The following SNAP47 variants were observed in gnomAD, a reference collection of about 807,000 sequenced individuals.
The protein encoded by SNAP47 is synaptosomal-associated protein 47.
A neutral mutation model predicts 31.4 loss-of-function variants in SNAP47; 20 were observed. That is an observed-to-expected ratio of 0.64 (90% CI 0.45 to 0.93). SNAP47 has a LOEUF of 0.93. Ranked by LOEUF, SNAP47 falls within the 40% of genes least tolerant of loss-of-function variation. The pLI is 0.00. For missense variants in SNAP47, 492 were observed against 528.5 expected, an observed-to-expected ratio of 0.93 and a Z score of 0.68; for synonymous variants, 194 against 213.4, an observed-to-expected ratio of 0.91 and a Z score of 0.79.
At chr1:227,730,272 T>C (rs1660555129), upstream of SNAP47, among the ~76,000 whole-genome samples, 1 of 152,074 alleles carries the variant, frequency 6.6e-6, no homozygotes, top group South Asian at 2.1e-4. Flanking sequence ...GCGAAGGCCC[T>C]CACATGTGCT....
intron 3 of SNAP47, among the ~76,000 whole-genome samples, chr1:227,764,746 T>A (rs1663281085): frequency 6.6e-6 from 1 of 151,488 alleles, no homozygotes; most frequent in Non-Finnish European, 1.5e-5. Context: ...TTACTAAAAA[T>A]AAAAAAAATT....
upstream of SNAP47, chr1:227,734,956 G>C: frequency 6.7e-7 from 1 of 1,498,944 alleles, no homozygotes; most frequent in Non-Finnish European, 8.9e-7. Context: ...GGGCCTCCCG[G>C]GCCTGGGTCC....
At position 227,759,141 on chromosome 1, in the gene SNAP47, C is replaced by T. The variant is rs535666284; in HGVS notation, c.644C>T (p.Ala215Val). Residue 215 changes from alanine (A) to valine (V), a missense_variant, in exon 3 of 5, where the codon GCT becomes GTT. Ala to Val is a moderately conservative substitution (Grantham distance 64). Coordinates refer to ENST00000617596, the MANE Select transcript of SNAP47 (RefSeq NM_053052.4). ...GAAGGGATACTGATAAAAATTCCTGCTGTTATTTCCCACAGAACAGAGTCT... is the reference window on the plus strand; with the variant it reads ...GAAGGGATACTGATAAAAATTCCTGTTGTTATTTCCCACAGAACAGAGTCT... ...GKEGILIKIP[A>V]VISHRTESHV... 9.3e-6 allele frequency: 15 copies of T among 1,614,192 alleles called. No homozygotes were observed. In the South Asian group the frequency reaches 1.6e-4, roughly 18 times the overall value.
chr1:227,752,217 A>T (rs1382892737), intron 2 of SNAP47, among the ~76,000 whole-genome samples: 1 of 152,106 alleles, frequency 6.6e-6, no homozygotes, highest in Non-Finnish European at 1.5e-5. Flanking sequence ...CACATCTCTC[A>T]CCTCACATGC....
rs914861195 is a variant in SNAP47, at chr1:227,741,519, A to T, written c.-46+6020A>T. Among the ~76,000 whole-genome samples the T allele has an allele frequency of 5.3e-5, 8 of 152,078 alleles. No homozygotes were observed. Among genetic ancestry groups the T allele is most frequent in the African/African-American group, 1.9e-4 (8 of 41,388 alleles). On this transcript the variant is annotated intron_variant, in intron 1 of 4. Coordinates refer to ENST00000617596, the MANE Select transcript of SNAP47 (RefSeq NM_053052.4). This position sits in a 1 kb window ranked among gnomAD's most constrained non-coding sequence, Gnocchi z 4.2. ...TCTTGTGTGTGGCCACTTTCATTCCACCCCAGCAGAGCTGTGTAGTGGTGA... is the reference window on the plus strand; with the variant it reads ...TCTTGTGTGTGGCCACTTTCATTCCTCCCCAGCAGAGCTGTGTAGTGGTGA...
chr1:227,780,940 A>G lies in SNAP47; in HGVS notation c.*267A>G. 2.0e-6 allele frequency: 1 copy of G among 495,276 alleles called. No homozygotes were observed. The highest frequency in any genetic ancestry group is 3.5e-5 in the Admixed American group (1 of 28,366). 30.7% of individuals were successfully genotyped at this position (495,276 alleles called of 1,614,324 possible). On this transcript the variant is annotated 3_prime_UTR_variant, in exon 5 of 5. Coordinates refer to ENST00000617596, the MANE Select transcript of SNAP47 (RefSeq NM_053052.4). ...AAGTGTGGACCATGGCGGGACCCCA[A>G]GGACACTTGGCACAGGCCTGGAAGA... is the stretch of plus-strand genomic sequence containing the variant.
chr1:227,759,030 C>T lies in SNAP47; in HGVS notation c.533C>T (p.Pro178Leu). 1.9e-6 allele frequency: 3 copies of T among 1,609,852 alleles called. No homozygotes were observed. In the South Asian group the frequency reaches 3.3e-5, roughly 18 times the overall value. The change falls in exon 3 of 5, where the codon CCC becomes CTC. Residue 178 changes from proline (P) to leucine (L), a missense_variant. Physicochemically the swap from Pro to Leu is moderately conservative, Grantham distance 98. Coordinates refer to ENST00000617596, the MANE Select transcript of SNAP47 (RefSeq NM_053052.4). ...LTELESPAWW[P>L]FSSKLWKTPP... is the part of the protein sequence containing the mutation. ...GAACTGGAATCTCCTGCTTGGTGGC[C>T]CTTTAGCTCCAAGCTTTGGAAGACA...
At chr1:227,746,053 C>A (rs1450316776) in intron 1 of SNAP47, 1 of 152,278 alleles carries the variant, frequency 6.6e-6, no homozygotes, top group Non-Finnish European at 1.5e-5. Flanking sequence ...TCAAGGCTGC[C>A]ACCTCAGCCA....
chr1:227,740,145 G>A (rs1224288499), intron 1 of SNAP47, among the ~76,000 whole-genome samples: 1 of 152,234 alleles, frequency 6.6e-6, no homozygotes, highest in Admixed American at 6.5e-5. Context: ...GTTGGTGACA[G>A]TGCCTTAGGA....
Position 227,748,134 on chromosome 1 carries a change from T to G in SNAP47, c.398T>G (p.Leu133Arg). ...CTCATGGCTGGATCCCAGAAACGCCTGGAGGACACGGCGAGGGTCCTGCAC... is the reference window on the plus strand; with the variant it reads ...CTCATGGCTGGATCCCAGAAACGCCGGGAGGACACGGCGAGGGTCCTGCAC... ...TGLMAGSQKR[L>R]EDTARVLHHQ... is the part of the protein sequence containing the mutation. Residue 133 changes from leucine to arginine, a missense_variant, in exon 2 of 5, where the codon CTG becomes CGG. Transcript: ENST00000617596. 1.9e-6 allele frequency: 3 copies of G among 1,613,936 alleles called. No homozygotes were observed. The highest frequency in any genetic ancestry group is 2.5e-6 in the Non-Finnish European group (3 of 1,180,018).
At chr1:227,735,397 C>G (rs772735926), upstream of SNAP47, 4 of 1,569,532 alleles carry the variant, frequency 2.5e-6, no homozygotes, top group Admixed American at 5.2e-5. Flanking sequence ...CCTGGGGCTC[C>G]GGGCCTGCAC....
chr1:227,780,851 G>A lies in SNAP47; in HGVS notation c.*178G>A, dbSNP rs1288550619. ...GCCTCCCCAGGTGTGCACCATGCCT[G>A]CCTCCCACTTGGCTGTCCCTGCTGC... is the stretch of plus-strand genomic sequence containing the variant. On this transcript the variant is annotated 3_prime_UTR_variant, in exon 5 of 5. Transcript: ENST00000617596. The A allele has an allele frequency of 2.5e-6, 2 of 809,478 alleles. No individual in the cohort carries two copies. Among genetic ancestry groups the A allele is most frequent in the Non-Finnish European group, 3.8e-6 (2 of 529,512 alleles). The allele number at this position is 809,478 out of a possible 1,614,324, so 50.1% of individuals were successfully genotyped here. A position where few individuals can be genotyped will look rare whatever the true frequency, so the allele number is the denominator to read the frequency against.
rs1180422959 is a variant in SNAP47, at chr1:227,780,739, A to G, written c.*66A>G. ...CCGCTGAGATGGAGGGCTGGGCGGC[A>G]GTGCCAGGGCTGCAGAGGCCTGTGG... is the stretch of plus-strand genomic sequence containing the variant. On this transcript the variant is annotated 3_prime_UTR_variant, in exon 5 of 5. Transcript: ENST00000617596. 6.3e-7 allele frequency: 1 copy of G among 1,599,932 alleles called. No homozygotes were observed. The highest frequency in any genetic ancestry group is 8.5e-7 in the Non-Finnish European group (1 of 1,172,662).
intron 4 of SNAP47, among the ~76,000 whole-genome samples, chr1:227,769,214 A>G (rs972004340): frequency 2.0e-5 from 3 of 152,054 alleles, no homozygotes; most frequent in Admixed American, 2.0e-4. Flanking sequence ...GTGGCTCAAC[A>G]CCGGGAGGAA....
chr1:227,765,747 G>A lies in SNAP47; in HGVS notation c.989-1212G>A, dbSNP rs555699602. Among the ~76,000 whole-genome samples, 7 of 152,254 alleles carry A rather than the reference G, an allele frequency of 4.6e-5. 1 individual carries two copies. In the South Asian group the frequency reaches 1.2e-3, roughly 27 times the overall value. ...TCACCCCACTTCCCCACTTGCACTCGCACCCATCTGCTGGGCCTGGAGCTG... is the reference window on the plus strand; with the variant it reads ...TCACCCCACTTCCCCACTTGCACTCACACCCATCTGCTGGGCCTGGAGCTG... On this transcript the variant is annotated intron_variant, in intron 3 of 4. Transcript: ENST00000617596.
upstream of SNAP47, chr1:227,733,637 A>T: frequency 6.2e-7 from 1 of 1,604,816 alleles, no homozygotes; most frequent in Non-Finnish European, 8.5e-7. Flanking sequence ...ACAGACATTG[A>T]CAGACCAGCT....
chr1:227,751,125 C>T (rs2102928598), intron 2 of SNAP47, among the ~76,000 whole-genome samples: 1 of 152,324 alleles, frequency 6.6e-6, no homozygotes, highest in African/African-American at 2.4e-5. Flanking sequence ...AGCCCCTGGG[C>T]CCCTTTAGTG....
At chr1:227,738,952 G>A (rs1661412267) in intron 1 of SNAP47, among the ~76,000 whole-genome samples, 1 of 152,178 alleles carries the variant, frequency 6.6e-6, no homozygotes, top group African/African-American at 2.4e-5. Context: ...TCTTGAGATG[G>A]AACTCTGTGG....
At chr1:227,730,378 C>T (rs1660563326), upstream of SNAP47, 1 of 152,144 alleles carries the variant, frequency 6.6e-6, no homozygotes, top group Admixed American at 6.5e-5. Context: ...TCTAGCCACA[C>T]TCTGCACAGC....
Sources: allele counts gnomAD v4.1 joint callset (sites outside exome capture counted in the v4.1 genomes callset), GRCh38; gene constraint gnomAD v4.1.1; non-coding constraint Gnocchi (gnomAD v3.1); transcripts MANE v1.5; gene names NCBI Gene and HGNC (gene_info 2026-07-23, HGNC 2026-07-21).